The following COL25A1 variants were observed in gnomAD, a reference collection of about 807,000 sequenced individuals.
COL25A1 encodes the protein collagen alpha-1(XXV) chain.
In COL25A1, 103 loss-of-function variants were observed where a neutral mutation model predicts 128.4. The ratio of observed to expected loss-of-function variants is 0.80; its 90% CI spans 0.68 to 0.94. The LOEUF (loss-of-function observed/expected upper bound fraction) is 0.94. Ranked by LOEUF, COL25A1 falls within the 40% of genes least tolerant of loss-of-function variation. The pLI is 0.00. For missense variants in COL25A1, 745 were observed against 840.0 expected (o/e 0.89, Z 1.40); for synonymous variants, 279 against 277.2 (o/e 1.01, Z -0.06).
intron 5 of COL25A1, among the ~76,000 whole-genome samples, chr4:109,034,460 T>A (rs181097601): frequency 1.7e-4 from 26 of 152,350 alleles, no homozygotes; most frequent in Non-Finnish European, 1.5e-5. Context: ...GCATACTGTA[T>A]ACCATAATTC....
At chr4:109,012,949 C>T (rs929380916) in intron 5 of COL25A1, among the ~76,000 whole-genome samples, 3 of 152,242 alleles carry the variant, frequency 2.0e-5, no homozygotes, top group Non-Finnish European at 4.4e-5. Context: ...CAGGTGGGAA[C>T]TTGGAGAACT....
At chr4:108,903,045 G>C (rs1743030012) in intron 13 of COL25A1, among the ~76,000 whole-genome samples, 1 of 151,798 alleles carries the variant, frequency 6.6e-6, no homozygotes, top group Non-Finnish European at 1.5e-5. Context: ...GAATAACCAT[G>C]GTAGCCAGAG....
chr4:108,964,562 ATC>A (rs1338351244), intron 8 of COL25A1, among the ~76,000 whole-genome samples: 1 of 151,934 alleles, frequency 6.6e-6, no homozygotes, highest in Non-Finnish European at 1.5e-5. Flanking sequence ...TCCTTTCCAA[ATC>A]TCTTTTTTTC....
In COL25A1 at chr4:108,941,450, T is replaced by G; in HGVS notation, c.493-13A>C. On this transcript the variant is annotated splice_polypyrimidine_tract_variant and intron_variant, in intron 8 of 37. Coordinates refer to ENST00000399132, the MANE Select transcript of COL25A1 (RefSeq NM_198721.4). ...TAGGAAACACCATCTGATCAGTCAGTTGAGGTCAAAGGTTGAAGTTCAGAG... is the reference window on the plus strand; with the variant it reads ...TAGGAAACACCATCTGATCAGTCAGGTGAGGTCAAAGGTTGAAGTTCAGAG... The G allele has an allele frequency of 6.2e-7, 1 of 1,610,368 alleles. No homozygotes were observed. Among genetic ancestry groups the G allele is most frequent in the Non-Finnish European group, 8.5e-7 (1 of 1,176,680 alleles).
chr4:109,256,886 C>T, intron 3 of COL25A1, among the ~76,000 whole-genome samples: 1 of 152,180 alleles, frequency 6.6e-6, no homozygotes, highest in East Asian at 1.9e-4. Flanking sequence ...AGAAGGTTAA[C>T]TGAATCAGGG....
chr4:109,053,313 G>T (rs999753320), intron 3 of COL25A1, among the ~76,000 whole-genome samples: 11 of 152,264 alleles, frequency 7.2e-5, no homozygotes, highest in Admixed American at 6.5e-4. Context: ...AAAAACCAGT[G>T]ACTATAAACC....
chr4:109,255,779 C>G (rs1215458175), intron 3 of COL25A1, among the ~76,000 whole-genome samples: 1 of 152,150 alleles, frequency 6.6e-6, no homozygotes, highest in Non-Finnish European at 1.5e-5. Context: ...TTCTGACAAT[C>G]TCATCTATAT....
chr4:109,047,390 C>A (rs930674829), intron 5 of COL25A1, among the ~76,000 whole-genome samples: 4 of 152,090 alleles, frequency 2.6e-5, no homozygotes, highest in African/African-American at 7.2e-5. Flanking sequence ...AAACGTTTTT[C>A]ATCATATGTT....
chr4:109,171,285 G>A (rs1773558454), intron 3 of COL25A1, among the ~76,000 whole-genome samples: 1 of 152,154 alleles, frequency 6.6e-6, no homozygotes. Context: ...AAGAGACTAT[G>A]CAATGGACTG....
In COL25A1 at chr4:108,869,093, T is replaced by C; in HGVS notation, c.1078A>G (p.Thr360Ala). The C allele has an allele frequency of 4.5e-6, 7 of 1,568,760 alleles. No homozygotes were observed. The highest frequency in any genetic ancestry group is 6.0e-6 in the Non-Finnish European group (7 of 1,160,614). Reference sequence around the variant, plus strand: ...AAAGAAAGAGGCCCACTTACTTTTGTTCCTGGTAAACCTGGTAAGCCTGGT... The same window carrying C: ...AAAGAAAGAGGCCCACTTACTTTTGCTCCTGGTAAACCTGGTAAGCCTGGT... ...GEPGLPGLPG[T>A]KGERGEAGPP... The change falls in exon 20 of 38, where the codon ACA (threonine) becomes GCA (alanine). Residue 360 changes from threonine to alanine, a missense_variant. By Grantham distance (58) the Thr-to-Ala change is moderately conservative. This residue lies in a region of COL25A1 where 387 missense variants were observed against 441.9 expected (regional missense o/e 0.88). Coordinates refer to ENST00000399132, the MANE Select transcript of COL25A1 (RefSeq NM_198721.4).
At chr4:109,231,282 A>C (rs981335812) in intron 3 of COL25A1, among the ~76,000 whole-genome samples, 18 of 152,184 alleles carry the variant, frequency 1.2e-4, no homozygotes, top group African/African-American at 4.3e-4. Flanking sequence ...CAGTATTCCA[A>C]ACCCACCAAA....
intron 3 of COL25A1, among the ~76,000 whole-genome samples, chr4:109,134,045 C>T (rs112908164): frequency 0.011 from 1,708 of 151,728 alleles, 19 homozygotes; most frequent in African/African-American, 0.03. Context: ...TGAAAAACAG[C>T]CAGATAAGAA....
At position 109,084,326 on chromosome 4, in the gene COL25A1, T is replaced by C. The variant is rs934974790; in HGVS notation, c.368-34147A>G. On this transcript the variant is annotated intron_variant, in intron 3 of 37. Transcript: ENST00000399132. ...AAAATGAATAAATTATAGGTATGCC[T>C]TGCCTTAATTAAGGCCGCAGTATTA... 2.0e-5 allele frequency among the ~76,000 whole-genome samples: 3 copies of C among 152,220 alleles called. No homozygotes were observed. The East Asian group carries it at 5.8e-4, about 29-fold the overall frequency.
At chr4:108,816,758 T>C (rs1483607965) in intron 37 of COL25A1, among the ~76,000 whole-genome samples, 2 of 152,164 alleles carry the variant, frequency 1.3e-5, no homozygotes, top group Admixed American at 1.3e-4. Context: ...TTGTGTGGAT[T>C]AAATGAAATG....
rs1730748177 is a variant in COL25A1, at chr4:108,810,941, T to C, written c.*2986A>G. 6.6e-6 allele frequency: 1 copy of C among 152,032 alleles called. No individual in the cohort carries two copies. Among genetic ancestry groups the C allele is most frequent in the Non-Finnish European group, 1.5e-5 (1 of 67,892 alleles). The allele number at this position is 152,032 out of a possible 1,614,324, so 9.4% of individuals were successfully genotyped here. A position where few individuals can be genotyped will look rare whatever the true frequency, so the allele number is the denominator to read the frequency against. On this transcript the variant is annotated 3_prime_UTR_variant, in exon 38 of 38. Transcript: ENST00000399132. ...ATACATTAGCACCAACCAACATAAA[T>C]GAAAAACAATTTTAAATCTAAAACA...
At chr4:109,072,105 C>T (rs1763019291) in intron 3 of COL25A1, among the ~76,000 whole-genome samples, 1 of 152,156 alleles carries the variant, frequency 6.6e-6, no homozygotes, top group Non-Finnish European at 1.5e-5. Flanking sequence ...AGAAATACAA[C>T]TCCTGGGCTA....
At chr4:108,883,420 TTA>T in intron 19 of COL25A1, among the ~76,000 whole-genome samples, 1 of 152,306 alleles carries the variant, frequency 6.6e-6, no homozygotes, top group East Asian at 1.9e-4. Context: ...TTGCATTATG[TTA>T]ACCCCTATTA....
At position 108,809,644 on chromosome 4, in the gene COL25A1, G is replaced by A. The variant is rs936271985; in HGVS notation, c.*4283C>T. 1 of 151,972 alleles carries A rather than the reference G, an allele frequency of 6.6e-6. No homozygotes were observed. The highest frequency in any genetic ancestry group is 6.6e-5 in the Admixed American group (1 of 15,260). The allele number at this position is 151,972 out of a possible 1,614,324, so 9.4% of individuals were successfully genotyped here. A position where few individuals can be genotyped will look rare whatever the true frequency, so the allele number is the denominator to read the frequency against. Reference sequence around the variant, plus strand: ...AAGTCATTAAAGTGTTTATTAGTACGGGGTTAGCAAAAACCAAACTCCACT... The same window carrying A: ...AAGTCATTAAAGTGTTTATTAGTACAGGGTTAGCAAAAACCAAACTCCACT... On this transcript the variant is annotated 3_prime_UTR_variant, in exon 38 of 38. Transcript: ENST00000399132.
chr4:109,193,022 G>A (rs900381779), intron 3 of COL25A1, among the ~76,000 whole-genome samples: 3 of 152,118 alleles, frequency 2.0e-5, no homozygotes, highest in Admixed American at 6.6e-5. Context: ...CCAGACTGGT[G>A]AGAAAATACA....
Sources: gnomAD v4.1 joint callset for allele counts (sites outside exome capture counted in the v4.1 genomes callset) on GRCh38, gnomAD v4.1.1 for gene constraint, gnomAD v4.1.1 regional missense constraint, MANE v1.5 for transcripts, NCBI Gene and HGNC (gene_info 2026-07-23, HGNC 2026-07-21) for gene names.